Variants in PCDHA10 observed in about 807,000 individuals in gnomAD.
PCDHA10 encodes protocadherin alpha 10, also known as protocadherin alpha-10.
Under a neutral mutation model 61.2 loss-of-function variants are expected in PCDHA10, and 45 were observed. The ratio of observed to expected loss-of-function variants is 0.74; its 90% CI spans 0.58 to 0.94. PCDHA10 has a LOEUF of 0.94. Among genes scored for constraint, PCDHA10 ranks in the 40% least tolerant of loss-of-function variants. The probability of loss-of-function intolerance (pLI) is 0.00; values close to 1 mark genes in which losing one functional copy is unlikely to be tolerated. For missense variants in PCDHA10, 1,278 were observed against 1,236.2 expected (o/e 1.03, Z -0.51); for synonymous variants, 602 against 548.8 (o/e 1.10, Z -1.35).
chr5:140,902,846 A>C (rs1119032), intron 1 of PCDHA10, among the ~76,000 whole-genome samples: 2 of 152,088 alleles, frequency 1.3e-5, no homozygotes, highest in African/African-American at 2.4e-5. Context: ...CTTCACTTAG[A>C]AAAATGGCGT....
intron 1 of PCDHA10, chr5:140,869,210 C>A (rs781978731): frequency 1.7e-5 from 28 of 1,613,814 alleles, no homozygotes; most frequent in African/African-American, 1.5e-4. Context: ...TACTCCGTCT[C>A]GGAGGAGGCC....
intron 1 of PCDHA10, chr5:140,877,685 C>G (rs377753884): frequency 5.0e-6 from 8 of 1,613,628 alleles, no homozygotes; most frequent in African/African-American, 2.7e-5. Flanking sequence ...GGCAAGCCCA[C>G]GCTGGTGTGC....
intron 3 of PCDHA10, among the ~76,000 whole-genome samples, chr5:140,986,934 C>T (rs1379562819): frequency 6.6e-6 from 1 of 152,160 alleles, no homozygotes; most frequent in East Asian, 1.9e-4. Flanking sequence ...AGGATGGAGG[C>T]TGGGTGTGGT....
At chr5:140,989,531 G>C (rs782610172) in intron 3 of PCDHA10, among the ~76,000 whole-genome samples, 1 of 152,198 alleles carries the variant, frequency 6.6e-6, no homozygotes, top group Non-Finnish European at 1.5e-5. Flanking sequence ...AGAGGAGGAA[G>C]ATAGTTTGTA....
At chr5:140,954,947 T>G (rs2153704420) in intron 1 of PCDHA10, among the ~76,000 whole-genome samples, 1 of 152,360 alleles carries the variant, frequency 6.6e-6, no homozygotes, top group South Asian at 2.1e-4. Flanking sequence ...AGTTAATTTT[T>G]GTATAAGATG....
intron 1 of PCDHA10, among the ~76,000 whole-genome samples, chr5:140,942,450 C>A (rs1017198131): frequency 6.6e-6 from 1 of 151,378 alleles, no homozygotes; most frequent in African/African-American, 2.4e-5. Flanking sequence ...AGTAAACTAT[C>A]AATTATAATA....
intron 1 of PCDHA10, chr5:140,862,633 G>T (rs113613111): frequency 3.7e-6 from 2 of 537,190 alleles, no homozygotes; most frequent in East Asian, 5.1e-5. Context: ...GGGCTGCCAC[G>T]ACTTCACAGT....
At chr5:140,967,727 G>C in intron 1 of PCDHA10, 2 of 1,614,148 alleles carry the variant, frequency 1.2e-6, no homozygotes, top group Non-Finnish European at 1.7e-6. Flanking sequence ...GCGAGTAATT[G>C]GGGGGCTGGA....
chr5:140,882,270 T>C lies in PCDHA10; in HGVS notation c.2388+23834T>C, dbSNP rs782125538. ...GCTCTGAGGTTTTTGGAGTGTACCA[T>C]GCTGTCTTCCTGGCAAGGAGGCCCA... On this transcript the variant is annotated intron_variant, in intron 1 of 3. Coordinates refer to ENST00000307360, the MANE Select transcript of PCDHA10 (RefSeq NM_018901.4). 35 of 1,611,468 alleles carry C rather than the reference T, an allele frequency of 2.2e-5. 1 individual carries two copies. The South Asian group carries it at 3.9e-4, about 18-fold the overall frequency.
intron 1 of PCDHA10, among the ~76,000 whole-genome samples, chr5:140,948,814 A>G (rs1284322137): frequency 1.3e-5 from 2 of 151,134 alleles, no homozygotes; most frequent in African/African-American, 4.8e-5. Context: ...TTTGGTTTCT[A>G]TTTCATTAAT....
chr5:140,927,862 G>T, intron 1 of PCDHA10: 1 of 1,614,200 alleles, frequency 6.2e-7, no homozygotes. Context: ...AGCTAGCACC[G>T]CTAAACTGCT....
At chr5:140,871,911 A>G (rs2053380850) in intron 1 of PCDHA10, among the ~76,000 whole-genome samples, 1 of 152,196 alleles carries the variant, frequency 6.6e-6, no homozygotes, top group Non-Finnish European at 1.5e-5. Flanking sequence ...TTTTGCCTTG[A>G]TATTTCCACA....
chr5:140,916,732 C>A (rs2077701110), intron 1 of PCDHA10, among the ~76,000 whole-genome samples: 1 of 152,178 alleles, frequency 6.6e-6, no homozygotes, highest in South Asian at 2.1e-4. Flanking sequence ...TTTGTTGCTG[C>A]AAGCTTCACT....
intron 1 of PCDHA10, among the ~76,000 whole-genome samples, chr5:140,923,413 G>T (rs2081347795): frequency 6.6e-6 from 1 of 152,062 alleles, no homozygotes; most frequent in Non-Finnish European, 1.5e-5. Context: ...CTATAATCCT[G>T]GCTACTTGGG....
At chr5:140,939,603 C>T (rs1158258856) in intron 1 of PCDHA10, among the ~76,000 whole-genome samples, 1 of 152,068 alleles carries the variant, frequency 6.6e-6, no homozygotes, top group Non-Finnish European at 1.5e-5. Flanking sequence ...TGCTCAAAAA[C>T]AGAACAAGGA....
chr5:140,863,308 G>T (rs782229195), intron 1 of PCDHA10: 3 of 1,462,294 alleles, frequency 2.1e-6, no homozygotes, highest in Non-Finnish European at 1.9e-6. Context: ...CGCCATCTGC[G>T]TGGTGTCCAG....
rs150382315 is a variant in PCDHA10, at chr5:140,929,255, G to A, written c.2389-49694G>A. 5.2e-5 allele frequency: 84 copies of A among 1,613,256 alleles called. No homozygotes were observed. In the South Asian group the frequency reaches 8.9e-4, roughly 17 times the overall value. On this transcript the variant is annotated intron_variant, in intron 1 of 3. Coordinates refer to ENST00000307360, the MANE Select transcript of PCDHA10 (RefSeq NM_018901.4). ...CTGCGAAATCTTGCCACTGGGGTAG[G>A]ACTGAATTTGCCAATATCCTGTATT...
chr5:140,862,503 A>T (rs2047399158), intron 1 of PCDHA10: 5 of 398,958 alleles, frequency 1.3e-5, no homozygotes, highest in Non-Finnish European at 2.5e-5. Context: ...CGGAATGGGG[A>T]CTCGCTTTCA....
rs1274589805 is a variant in PCDHA10, at chr5:140,906,709, G to T, written c.2388+48273G>T. Among the ~76,000 whole-genome samples the T allele has an allele frequency of 3.3e-5, 5 of 152,190 alleles. No individual in the cohort carries two copies. In the East Asian group the frequency reaches 9.6e-4, roughly 29 times the overall value. ...AAGGATCTGGGCCATTTGTAGTCCT[G>T]CCTGGATTGTGCTGTTGTAGTTTCC... On this transcript the variant is annotated intron_variant, in intron 1 of 3. Transcript: ENST00000307360.
Sources: allele counts gnomAD v4.1 joint callset (sites outside exome capture counted in the v4.1 genomes callset), GRCh38; gene constraint gnomAD v4.1.1; transcripts MANE v1.5; gene names NCBI Gene and HGNC (gene_info 2026-07-23, HGNC 2026-07-21).